The following NPY2R variants were observed in gnomAD, a reference collection of about 807,000 sequenced individuals.
NPY2R encodes neuropeptide Y receptor type 2.
In NPY2R, 17 loss-of-function variants were observed where a neutral mutation model predicts 22.3. That is an observed-to-expected ratio of 0.76 (90% CI 0.52 to 1.14). The LOEUF is 1.14. Among genes scored for constraint, NPY2R ranks in the 50% most tolerant of loss-of-function variants. NPY2R has a pLI of 0.00. For missense variants in NPY2R, 424 were observed against 467.9 expected, an observed-to-expected ratio of 0.91 and a Z score of 0.87; for synonymous variants, 209 against 183.4, an observed-to-expected ratio of 1.14 and a Z score of -1.13.
chr4:155,191,920 T>C, the NPY2R span, among the ~76,000 whole-genome samples: 2 of 151,962 alleles, frequency 1.3e-5, no homozygotes, highest in African/African-American at 2.4e-5. Context: ...GGTTGTTTGA[T>C]TATTTGTAGG....
At chr4:155,197,233 T>C in the NPY2R span, among the ~76,000 whole-genome samples, 1 of 151,980 alleles carries the variant, frequency 6.6e-6, no homozygotes. Flanking sequence ...GTGGTAAACA[T>C]GTTTCATTTT....
At chr4:155,199,901 T>C in the NPY2R span, among the ~76,000 whole-genome samples, 27 of 151,962 alleles carry the variant, frequency 1.8e-4, no homozygotes, top group Middle Eastern at 0.017. Flanking sequence ...CCCCAAACCA[T>C]AAAAATCCTA....
upstream of NPY2R, among the ~76,000 whole-genome samples, chr4:155,203,703 G>A (rs771162624): frequency 4.5e-4 from 68 of 152,162 alleles, no homozygotes; most frequent in Non-Finnish European, 8.8e-4. Context: ...TTGCTACAAG[G>A]CAATTATTGA....
At chr4:155,212,965 TATG>T (rs1560764439) in intron 1 of NPY2R, among the ~76,000 whole-genome samples, 1 of 152,194 alleles carries the variant, frequency 6.6e-6, no homozygotes, top group Admixed American at 6.5e-5. Flanking sequence ...AAAAGAATGA[TATG>T]ATGTCTTTTG....
At chr4:155,185,240 A>G in the NPY2R span, among the ~76,000 whole-genome samples, 1 of 151,988 alleles carries the variant, frequency 6.6e-6, no homozygotes, top group Admixed American at 6.6e-5. Context: ...GGGTTTCACC[A>G]TATTGGCCAG....
At chr4:155,200,322 G>A in the NPY2R span, among the ~76,000 whole-genome samples, 1 of 152,146 alleles carries the variant, frequency 6.6e-6, no homozygotes, top group South Asian at 2.1e-4. Context: ...TCTCATGTCA[G>A]TCAGAATGGT....
chr4:155,181,316 C>A, the NPY2R span, among the ~76,000 whole-genome samples: 4 of 152,260 alleles, frequency 2.6e-5, no homozygotes, highest in Admixed American at 2.6e-4. Flanking sequence ...CCAAGAAACC[C>A]TCACACATTT....
At chr4:155,177,562 A>C in the NPY2R span, among the ~76,000 whole-genome samples, 9 of 152,126 alleles carry the variant, frequency 5.9e-5, no homozygotes, top group African/African-American at 9.7e-5. Flanking sequence ...CTGGTGCTGC[A>C]TGCTGGTGGC....
At chr4:155,193,609 C>A in the NPY2R span, among the ~76,000 whole-genome samples, 1 of 151,882 alleles carries the variant, frequency 6.6e-6, no homozygotes, top group South Asian at 2.1e-4. Context: ...GTTCAGTATT[C>A]TCTCTAAGAG....
At position 155,213,926 on chromosome 4, in the gene NPY2R, G is replaced by C. The variant is rs541107606; in HGVS notation, c.-14G>C. ...TCTTGTGCTGGTTGCAGGCCAAGTG[G>C]ACCTGTACTGAAAATGGGTCCAATA... On this transcript the variant is annotated 5_prime_UTR_variant, in exon 2 of 2. Transcript: ENST00000329476. The C allele has an allele frequency of 6.2e-7, 1 of 1,611,912 alleles. No homozygotes were observed. The highest frequency in any genetic ancestry group is 1.7e-5 in the Admixed American group (1 of 60,008).
chr4:155,210,110 G>A (rs898211748), intron 1 of NPY2R, among the ~76,000 whole-genome samples: 3 of 152,130 alleles, frequency 2.0e-5, no homozygotes, highest in African/African-American at 7.2e-5. Context: ...TCAAAGAAAG[G>A]TTATTCCCTT....
At chr4:155,203,876 C>T (rs12649572), upstream of NPY2R, among the ~76,000 whole-genome samples, 71,742 of 151,628 alleles carry the variant, frequency 0.47, 17,891 homozygotes, top group African/African-American at 0.64. Flanking sequence ...ACTAGGAACT[C>T]ATTAGTCTTT....
the NPY2R span, among the ~76,000 whole-genome samples, chr4:155,181,221 C>T: frequency 6.6e-6 from 1 of 152,068 alleles, no homozygotes; most frequent in African/African-American, 2.4e-5. Context: ...GAGGAACTGC[C>T]CTGATACTTC....
chr4:155,174,097 G>A, the NPY2R span: 1 of 151,746 alleles, frequency 6.6e-6, no homozygotes, highest in African/African-American at 2.4e-5. Flanking sequence ...CCATTTCTGA[G>A]CACTAGATAA....
the NPY2R span, among the ~76,000 whole-genome samples, chr4:155,195,143 G>A: frequency 0.71 from 108,333 of 151,858 alleles, 40,254 homozygotes; most frequent in East Asian, 0.94. Flanking sequence ...TTTTAACATT[G>A]AATCTGTATG....
chr4:155,212,905 A>G (rs1729435294), intron 1 of NPY2R, among the ~76,000 whole-genome samples: 1 of 152,244 alleles, frequency 6.6e-6, no homozygotes, highest in South Asian at 2.1e-4. Context: ...CATTGAGTGG[A>G]TAAAGAAAAC....
At chr4:155,180,371 T>C in the NPY2R span, among the ~76,000 whole-genome samples, 1 of 152,248 alleles carries the variant, frequency 6.6e-6, no homozygotes, top group Non-Finnish European at 1.5e-5. Context: ...TAACATCCAC[T>C]TGTCATGAAA....
the NPY2R span, among the ~76,000 whole-genome samples, chr4:155,183,590 A>AT: frequency 5.3e-5 from 8 of 152,244 alleles, no homozygotes; most frequent in African/African-American, 1.4e-4. Flanking sequence ...ATTTTTAATG[A>AT]TTTTTTTAAA....
the NPY2R span, among the ~76,000 whole-genome samples, chr4:155,188,308 G>A: frequency 6.6e-6 from 1 of 151,894 alleles, no homozygotes; most frequent in Non-Finnish European, 1.5e-5. Flanking sequence ...TTTTTTCAAA[G>A]TTTTTGAGAT....
Sources: gnomAD v4.1 joint callset for allele counts (sites outside exome capture counted in the v4.1 genomes callset) on GRCh38, gnomAD v4.1.1 for gene constraint, MANE v1.5 for transcripts, NCBI Gene and HGNC (gene_info 2026-07-23, HGNC 2026-07-21) for gene names.